Variants in DPPA4 observed in about 807,000 individuals in gnomAD.
DPPA4 encodes the protein developmental pluripotency associated 4.
A neutral mutation model predicts 33.7 loss-of-function variants in DPPA4; 22 were observed. The observed-to-expected ratio is 0.65, with a 90% confidence interval of 0.47 to 0.93. The LOEUF (loss-of-function observed/expected upper bound fraction) is 0.93, where lower values mean the gene tolerates loss of function less well. Ranked by LOEUF, DPPA4 falls within the 40% of genes least tolerant of loss-of-function variation. The pLI is 0.00. For missense variants in DPPA4, 340 were observed against 358.6 expected, an observed-to-expected ratio of 0.95 and a Z score of 0.42; for synonymous variants, 156 against 132.3, an observed-to-expected ratio of 1.18 and a Z score of -1.23.
intron 1 of DPPA4, chr3:109,336,443 C>A (rs190091833): frequency 1.3e-5 from 2 of 152,298 alleles, no homozygotes; most frequent in East Asian, 3.9e-4. Flanking sequence ...ATCCTCTCTT[C>A]CTTCAGTTTC....
intron 4 of DPPA4, 62 bp from the exon 5 acceptor site, chr3:109,330,874 T>TAAGTTG (rs1708056953): frequency 7.6e-7 from 1 of 1,321,838 alleles, no homozygotes; most frequent in African/African-American, 3.3e-5. Flanking sequence ...AAAAATGGCC[T>TAAGTTG]AAGGAGCTCT....
intron 1 of DPPA4, among the ~76,000 whole-genome samples, chr3:109,336,143 C>T (rs1052996091): frequency 6.6e-6 from 1 of 150,864 alleles, no homozygotes; most frequent in African/African-American, 2.4e-5. Context: ...CAGAGTCAAA[C>T]TCATTAAAAA....
At position 109,330,514 on chromosome 3, in the gene DPPA4, T is replaced by C. The variant is rs747488047; in HGVS notation, c.679+10A>G. 6.2e-7 allele frequency: 1 copy of C among 1,613,412 alleles called. No homozygotes were observed. Among genetic ancestry groups the C allele is most frequent in the Non-Finnish European group, 8.5e-7 (1 of 1,179,508 alleles). On this transcript the variant is annotated intron_variant, in intron 5 of 6. Coordinates refer to ENST00000335658, the MANE Select transcript of DPPA4 (RefSeq NM_018189.4). Reference sequence around the variant, plus strand: ...ATTGGACCAGAATAAGCTCTTCATGTTGCGCTTACCAGAGGCCTCTTGTGG... The same window carrying C: ...ATTGGACCAGAATAAGCTCTTCATGCTGCGCTTACCAGAGGCCTCTTGTGG...
At position 109,332,010 on chromosome 3, in the gene DPPA4, G is replaced by A; in HGVS notation, c.200C>T (p.Ala67Val). 1 of 1,613,542 alleles carries A rather than the reference G, an allele frequency of 6.2e-7. No homozygotes were observed. The highest frequency in any genetic ancestry group is 8.5e-7 in the Non-Finnish European group (1 of 1,179,640). ...GSKVLCPKKK[A>V]EHTDNPRPQK... ...AGGTCTGGGGTTGTCAGTGTGCTCTGCCTTTTTCTTAGGGCAGAGCACTGA... is the reference window on the plus strand; with the variant it reads ...AGGTCTGGGGTTGTCAGTGTGCTCTACCTTTTTCTTAGGGCAGAGCACTGA... Residue 67 changes from alanine (A) to valine (V), a missense_variant, in exon 3 of 7, where the codon GCA becomes GTA. Transcript: ENST00000335658.
upstream of DPPA4, among the ~76,000 whole-genome samples, chr3:109,337,881 G>T (rs1173565655): frequency 1.3e-5 from 2 of 152,092 alleles, no homozygotes; most frequent in African/African-American, 2.4e-5. Flanking sequence ...ATGTGTGAAG[G>T]GATTTAATAA....
chr3:109,328,102 T>G (rs772584234), intron 6 of DPPA4, 78 bp from the exon 7 acceptor site: 4 of 950,160 alleles, frequency 4.2e-6, no homozygotes, highest in Non-Finnish European at 6.7e-6. Context: ...GCTGCTGGAA[T>G]GCTGTTGAAA....
rs945749569 is a variant in DPPA4, at chr3:109,337,531, C to G, written c.-14G>C. 5 of 1,613,950 alleles carry G rather than the reference C, an allele frequency of 3.1e-6. No homozygotes were observed. In the East Asian group the frequency reaches 1.1e-4, roughly 36 times the overall value. ...GCCTCGCAACATGCTTCCAAAATGG[C>G]CCCTGCCCCAAGATTGCTATTTGCA... On this transcript the variant is annotated 5_prime_UTR_variant, in exon 1 of 7. Transcript: ENST00000335658.
intron 1 of DPPA4, among the ~76,000 whole-genome samples, 197 bp from the exon 2 acceptor site, chr3:109,334,190 G>A (rs930944076): frequency 3.3e-5 from 5 of 152,174 alleles, no homozygotes; most frequent in African/African-American, 1.2e-4. Context: ...AAAAAGGGAG[G>A]AAGCCAGTTT....
At chr3:109,332,929 T>G (rs1187058000) in intron 2 of DPPA4, among the ~76,000 whole-genome samples, 1 of 152,112 alleles carries the variant, frequency 6.6e-6, no homozygotes, top group East Asian at 1.9e-4. Flanking sequence ...CCGTCTCTAC[T>G]TAAAAAATTA....
chr3:109,337,614 CT>C (rs1413728128), upstream of DPPA4: 4 of 1,026,064 alleles, frequency 3.9e-6, no homozygotes, highest in African/African-American at 6.4e-5. Context: ...CTCACCTCTT[CT>C]TTTCTTCTCC....
At chr3:109,331,499 G>C (rs1226601700) in intron 4 of DPPA4, among the ~76,000 whole-genome samples, 2 of 129,488 alleles carry the variant, frequency 1.5e-5, no homozygotes, top group Non-Finnish European at 3.1e-5. Context: ...AGCCGAGATG[G>C]TGCCACTGCA....
chr3:109,329,597 G>A (rs1024513493), intron 5 of DPPA4: 1 of 157,818 alleles, frequency 6.3e-6, no homozygotes, highest in East Asian at 1.9e-4. Flanking sequence ...AATCTAGTTG[G>A]AAGTAGTATA....
chr3:109,337,684 G>T, upstream of DPPA4: 1 of 641,068 alleles, frequency 1.6e-6, no homozygotes, highest in Non-Finnish European at 2.8e-6. Flanking sequence ...TCTTATTCAT[G>T]GGGTGACTTT....
intron 1 of DPPA4, among the ~76,000 whole-genome samples, chr3:109,336,641 C>T (rs1378983930): frequency 6.6e-6 from 1 of 152,178 alleles, no homozygotes; most frequent in Non-Finnish European, 1.5e-5. Context: ...CTTTAACACC[C>T]TTTTCTCCTG....
Position 109,327,836 on chromosome 3 carries a change from G to C in DPPA4, c.*152C>G, listed in dbSNP as rs1008327831. On this transcript the variant is annotated 3_prime_UTR_variant, in exon 7 of 7. Transcript: ENST00000335658. ...CTCACAAAGCAACAGGCACTGCTAGGGGTCTTAGGCTAACATCTGCCACCC... is the reference window on the plus strand; with the variant it reads ...CTCACAAAGCAACAGGCACTGCTAGCGGTCTTAGGCTAACATCTGCCACCC... 5.1e-5 allele frequency: 31 copies of C among 602,444 alleles called. No individual in the cohort carries two copies. The highest frequency in any genetic ancestry group is 4.8e-4 in the Admixed American group (18 of 37,366). 37.3% of individuals were successfully genotyped at this position (602,444 alleles called of 1,614,324 possible).
At chr3:109,334,335 C>A (rs1307639324) in intron 1 of DPPA4, among the ~76,000 whole-genome samples, 4 of 152,104 alleles carry the variant, frequency 2.6e-5, no homozygotes, top group Non-Finnish European at 5.9e-5. Context: ...TTGCTTGAGT[C>A]CAGTAACTGG....
intron 6 of DPPA4, among the ~76,000 whole-genome samples, chr3:109,328,400 A>G (rs7618403): frequency 0.058 from 8,897 of 152,220 alleles, 784 homozygotes; most frequent in African/African-American, 0.2. Flanking sequence ...GGAAAAGCCA[A>G]TCACACATTC....
In DPPA4 at chr3:109,337,462, A is replaced by C; in HGVS notation, c.54+2T>G. ...AAACAAATCCACTAAAACTGTACTG[A>C]CCTCCTTGCCTTTTGCCTTCTCCAT... On this transcript the variant is annotated splice_donor_variant, in intron 1 of 6. Transcript: ENST00000335658. LOFTEE classifies it high-confidence loss of function. The C allele has an allele frequency of 6.2e-7, 1 of 1,613,422 alleles. No individual in the cohort carries two copies. Among genetic ancestry groups the C allele is most frequent in the East Asian group, 2.2e-5 (1 of 44,864 alleles).
At position 109,333,364 on chromosome 3, in the gene DPPA4, A is replaced by C. The variant is rs768163887; in HGVS notation, c.178+506T>G. On this transcript the variant is annotated intron_variant, in intron 2 of 6. Coordinates refer to ENST00000335658, the MANE Select transcript of DPPA4 (RefSeq NM_018189.4). ...CTTGGTGTCTCAAAAAAAAAAAAAA[A>C]AAAAAAAAAAAAAAACCAGCCTGTA... is the stretch of plus-strand genomic sequence containing the variant. 6.3e-3 allele frequency: 958 copies of C among 151,138 alleles called. 19 individuals are homozygous for C. The highest frequency in any genetic ancestry group is 0.011 in the Non-Finnish European group (773 of 67,908). 9.4% of individuals were successfully genotyped at this position (151,138 alleles called of 1,614,324 possible).
Sources: gnomAD v4.1 joint callset for allele counts (sites outside exome capture counted in the v4.1 genomes callset) on GRCh38, gnomAD v4.1.1 for gene constraint, MANE v1.5 for transcripts, NCBI Gene and HGNC (gene_info 2026-07-23, HGNC 2026-07-21) for gene names.